The following PCDHGC3 variants were observed in gnomAD, a reference collection of about 807,000 sequenced individuals.
PCDHGC3 encodes the protein protocadherin gamma-C3.
A neutral mutation model predicts 59.2 loss-of-function variants in PCDHGC3; 26 were observed. The ratio of observed to expected loss-of-function variants is 0.44; its 90% CI spans 0.32 to 0.61. PCDHGC3 has a LOEUF of 0.61. Among genes scored for constraint, PCDHGC3 ranks in the 20% least tolerant of loss-of-function variants. The pLI, the probability that PCDHGC3 is intolerant of heterozygous loss-of-function variation, is 0.05. For synonymous variants in PCDHGC3, 487 were observed against 519.7 expected (o/e 0.94, Z 0.86); for missense variants, 1,080 against 1,221.8 (o/e 0.88, Z 1.73).
At position 141,477,687 on chromosome 5, in the gene PCDHGC3, C is replaced by A. The variant is rs1206813120; in HGVS notation, c.1571C>A (p.Pro524His). The A allele has an allele frequency of 5.6e-6, 9 of 1,614,022 alleles. No homozygotes were observed. The highest frequency in any genetic ancestry group is 7.6e-6 in the Non-Finnish European group (9 of 1,180,040). The part of the protein sequence containing the change: ...RDNGIVSSLV[P>H]LDYEDRREFE... ...AATGGCATAGTGTCATCCTTAGTGC[C>A]CCTAGACTATGAGGATCGGCGGGAA... Residue 524 changes from proline to histidine, a missense_variant, in exon 1 of 4, where the codon CCC (proline) becomes CAC (histidine). Coordinates refer to ENST00000308177, the MANE Select transcript of PCDHGC3 (RefSeq NM_002588.4). This position sits in a 1 kb window ranked among gnomAD's most constrained non-coding sequence, Gnocchi z 4.9.
intron 2 of PCDHGC3, among the ~76,000 whole-genome samples, chr5:141,496,592 T>G (rs948403662): frequency 6.6e-6 from 1 of 152,136 alleles, no homozygotes; most frequent in African/African-American, 2.4e-5. Context: ...GCAAAGCGCT[T>G]CTTAGAAGGC....
intron 3 of PCDHGC3, among the ~76,000 whole-genome samples, chr5:141,508,616 G>T (rs1007206932): frequency 6.6e-6 from 1 of 152,114 alleles, no homozygotes; most frequent in African/African-American, 2.4e-5. Flanking sequence ...ATAGGACGTG[G>T]GTGGGCCGAG....
rs201408987 is a variant in PCDHGC3, at chr5:141,476,857, C to T, written c.741C>T (p.Ser247=). 12 of 1,613,768 alleles carry T rather than the reference C, an allele frequency of 7.4e-6. No individual in the cohort carries two copies. The highest frequency in any genetic ancestry group is 1.0e-5 in the Non-Finnish European group (12 of 1,180,054). ...ACAATGCGCCTGTCTTCAACCAGTC[C>T]TTGTACCGGGCGCGCGTCCTGGAGG... The part of the protein sequence containing the change: ...ANDNAPVFNQ[S]LYRARVLEDA... The change falls in exon 1 of 4, where the codon TCC becomes TCT. Residue 247 remains serine (S), a synonymous_variant. Transcript: ENST00000308177. The surrounding 1 kb of genome is among the most constrained non-coding windows in gnomAD (Gnocchi z 7.6).
chr5:141,477,432 C>T lies in PCDHGC3; in HGVS notation c.1316C>T (p.Ala439Val), dbSNP rs1184041591. 6.2e-7 allele frequency: 1 copy of T among 1,614,186 alleles called. No individual in the cohort carries two copies. Among genetic ancestry groups the T allele is most frequent in the Admixed American group, 1.7e-5 (1 of 60,028 alleles). ...GACGCCGGAACCCCTTCCCTCTCAG[C>T]CCTTACAATAGTGCGTGTTCAAGTG... ...ARDAGTPSLS[A>V]LTIVRVQVSD... Residue 439 changes from alanine to valine, a missense_variant, in exon 1 of 4, where the codon GCC (alanine) becomes GTC (valine). Ala to Val is a moderately conservative substitution (Grantham distance 64). Transcript: ENST00000308177. This position sits in a 1 kb window ranked among gnomAD's most constrained non-coding sequence, Gnocchi z 4.9.
intron 3 of PCDHGC3, chr5:141,508,179 AG>A (rs1250335236): frequency 1.3e-5 from 2 of 152,326 alleles, no homozygotes; most frequent in Non-Finnish European, 2.9e-5. Flanking sequence ...ACAGGAGAGA[AG>A]GCATCACCCC....
intron 3 of PCDHGC3, among the ~76,000 whole-genome samples, chr5:141,510,034 T>A (rs2099879281): frequency 6.6e-6 from 1 of 152,156 alleles, no homozygotes; most frequent in Non-Finnish European, 1.5e-5. Flanking sequence ...TGGGCTGTTA[T>A]GTAGAGGTTA....
rs760070878 is a variant in PCDHGC3, at chr5:141,490,862, C to T, written c.2431-3945C>T. On this transcript the variant is annotated intron_variant, in intron 1 of 3. Coordinates refer to ENST00000308177, the MANE Select transcript of PCDHGC3 (RefSeq NM_002588.4). This position sits in a 1 kb window ranked among gnomAD's most constrained non-coding sequence, Gnocchi z 5.4. ...GTGGTGGGGGTTCGAGACTCCGGCTCTCCCCCATTGCATGCCAACACATCT... is the reference window on the plus strand; with the variant it reads ...GTGGTGGGGGTTCGAGACTCCGGCTTTCCCCCATTGCATGCCAACACATCT... 2.0e-5 allele frequency: 33 copies of T among 1,613,878 alleles called. No individual in the cohort carries two copies. Among genetic ancestry groups the T allele is most frequent in the Non-Finnish European group, 2.8e-5 (33 of 1,179,920 alleles).
chr5:141,500,367 C>A (rs953610460), intron 2 of PCDHGC3, among the ~76,000 whole-genome samples: 7 of 151,940 alleles, frequency 4.6e-5, no homozygotes, highest in African/African-American at 1.7e-4. Context: ...CACTACCACG[C>A]CCGGCTAATT....
chr5:141,510,852 G>A (rs2099883073), intron 3 of PCDHGC3, 95 bp from the exon 4 acceptor site: 2 of 1,601,096 alleles, frequency 1.2e-6, no homozygotes, highest in Non-Finnish European at 1.7e-6. Flanking sequence ...GGCCCAGGGT[G>A]CTGTATAGGC....
chr5:141,509,068 G>T (rs1267011061), intron 3 of PCDHGC3, among the ~76,000 whole-genome samples: 1 of 152,144 alleles, frequency 6.6e-6, no homozygotes, highest in Non-Finnish European at 1.5e-5. Context: ...TCTCAGCTCC[G>T]GGGATTTGCG....
rs780541121 is a variant in PCDHGC3 at position 141,477,533 on chromosome 5, G to A, written c.1417G>A (p.Gly473Arg). ...TTACATTGAAGAAAACAACCTCCCCGGGGCTCCAATACTAAACCTAAGTGT... is the reference window on the plus strand; with the variant it reads ...TTACATTGAAGAAAACAACCTCCCCAGGGCTCCAATACTAAACCTAAGTGT... Reference protein sequence around the residue: ...DVYIEENNLPGAPILNLSVWD... With the variant: ...DVYIEENNLPRAPILNLSVWD... Residue 473 changes from glycine to arginine, a missense_variant, in exon 1 of 4, where the codon GGG becomes AGG. Physicochemically the swap from Gly to Arg is moderately radical, Grantham distance 125 (BLOSUM62 -2). Coordinates refer to ENST00000308177, the MANE Select transcript of PCDHGC3 (RefSeq NM_002588.4). This position sits in a 1 kb window ranked among gnomAD's most constrained non-coding sequence, Gnocchi z 4.9. The A allele has an allele frequency of 6.2e-7, 1 of 1,614,010 alleles. No individual in the cohort carries two copies. The highest frequency in any genetic ancestry group is 1.1e-5 in the South Asian group (1 of 91,066).
Position 141,491,611 on chromosome 5 carries a change from A to G in PCDHGC3, c.2431-3196A>G. The G allele has an allele frequency of 6.2e-7, 1 of 1,613,866 alleles. No individual in the cohort carries two copies. The highest frequency in any genetic ancestry group is 8.5e-7 in the Non-Finnish European group (1 of 1,180,018). Reference sequence around the variant, plus strand: ...GGACGGCAGTGACTTCACTTTTCTAAGACCCCTCAGCGTTCAGCAGCCCAC... The same window carrying G: ...GGACGGCAGTGACTTCACTTTTCTAGGACCCCTCAGCGTTCAGCAGCCCAC... On this transcript the variant is annotated intron_variant, in intron 1 of 3. Transcript: ENST00000308177. This position sits in a 1 kb window ranked among gnomAD's most constrained non-coding sequence, Gnocchi z 6.9.
Position 141,489,752 on chromosome 5 carries a change from C to G in PCDHGC3, c.2431-5055C>G. ...GGCACCAATACTGTGAGCTTTTACA[C>G]TCTAAGCCCCAACAGCCACTTCTCT... On this transcript the variant is annotated intron_variant, in intron 1 of 3. Coordinates refer to ENST00000308177, the MANE Select transcript of PCDHGC3 (RefSeq NM_002588.4). This position sits in a 1 kb window ranked among gnomAD's most constrained non-coding sequence, Gnocchi z 4.5. The G allele has an allele frequency of 6.2e-7, 1 of 1,614,136 alleles. No individual in the cohort carries two copies. The highest frequency in any genetic ancestry group is 8.5e-7 in the Non-Finnish European group (1 of 1,179,972).
At chr5:141,495,104 G>C (rs552664771) in intron 2 of PCDHGC3, among the ~76,000 whole-genome samples, 16 of 152,194 alleles carry the variant, frequency 1.1e-4, no homozygotes, top group Admixed American at 8.5e-4. Flanking sequence ...CGCCACGACC[G>C]GCACCTTTTC....
chr5:141,491,966 G>A lies in PCDHGC3; in HGVS notation c.2431-2841G>A. 1.1e-6 allele frequency: 1 copy of A among 943,066 alleles called. No individual in the cohort carries two copies. Among genetic ancestry groups the A allele is most frequent in the Non-Finnish European group, 1.5e-6 (1 of 669,210 alleles). The allele number at this position is 943,066 out of a possible 1,614,324, so 58.4% of individuals were successfully genotyped here. On this transcript the variant is annotated intron_variant, in intron 1 of 3. Coordinates refer to ENST00000308177, the MANE Select transcript of PCDHGC3 (RefSeq NM_002588.4). The surrounding 1 kb of genome is among the most constrained non-coding windows in gnomAD (Gnocchi z 6.9). ...CCACCCCTACACTCAAAAAAGGCCG[G>A]GGCCTCCTTCGAGCTTCCGGTGAAT...
At chr5:141,481,533 T>TG (rs1246139713) in intron 1 of PCDHGC3, among the ~76,000 whole-genome samples, 2 of 152,200 alleles carry the variant, frequency 1.3e-5, no homozygotes, top group Admixed American at 6.5e-5. Context: ...AATCTAGAGA[T>TG]GGGGCTGGGC....
chr5:141,485,895 C>G lies in PCDHGC3; in HGVS notation c.2430+7349C>G, dbSNP rs1243568042. On this transcript the variant is annotated intron_variant, in intron 1 of 3. Coordinates refer to ENST00000308177, the MANE Select transcript of PCDHGC3 (RefSeq NM_002588.4). This position sits in a 1 kb window ranked among gnomAD's most constrained non-coding sequence, Gnocchi z 5.7. Reference sequence around the variant, plus strand: ...CTGGACGTAAACGACAACGCCCCAGCCTTCCAGCAATCCAGCTACAGGATT... The same window carrying G: ...CTGGACGTAAACGACAACGCCCCAGGCTTCCAGCAATCCAGCTACAGGATT... 3 of 1,614,136 alleles carry G rather than the reference C, an allele frequency of 1.9e-6. No individual in the cohort carries two copies. The highest frequency in any genetic ancestry group is 2.5e-6 in the Non-Finnish European group (3 of 1,180,036).
intron 2 of PCDHGC3, among the ~76,000 whole-genome samples, chr5:141,496,104 G>A (rs950960102): frequency 6.8e-6 from 1 of 146,980 alleles, no homozygotes; most frequent in African/African-American, 2.5e-5. Context: ...CCAACACCCC[G>A]CTCTCTTCCT....
rs1358516648 is a variant in PCDHGC3, at chr5:141,489,199, A to C, written c.2431-5608A>C. The C allele has an allele frequency of 1.4e-6, 2 of 1,395,234 alleles. No individual in the cohort carries two copies. The highest frequency in any genetic ancestry group is 2.8e-5 in the South Asian group (2 of 71,520). The allele number at this position is 1,395,234 out of a possible 1,614,324, so 86.4% of individuals were successfully genotyped here. ...CAAGCCCTGGGTCTACCTTGGAGAC[A>C]GGACAGCACAGACTTACTCTCCACA... On this transcript the variant is annotated intron_variant, in intron 1 of 3. Transcript: ENST00000308177. The surrounding 1 kb of genome is among the most constrained non-coding windows in gnomAD (Gnocchi z 4.5).
Sources: gnomAD v4.1 joint callset for allele counts (sites outside exome capture counted in the v4.1 genomes callset) on GRCh38, gnomAD v4.1.1 for gene constraint, Gnocchi (gnomAD v3.1) non-coding constraint, MANE v1.5 for transcripts, NCBI Gene and HGNC (gene_info 2026-07-23, HGNC 2026-07-21) for gene names.